SHROOM4: variants seen among roughly 807,000 people sequenced by gnomAD.
SHROOM4 encodes the protein shroom family member 4.
Under a neutral mutation model 80.3 loss-of-function variants are expected in SHROOM4, and 17 were observed. That is an observed-to-expected ratio of 0.21 (90% confidence interval 0.14 to 0.32). The LOEUF (loss-of-function observed/expected upper bound fraction) is 0.32, where lower values mean the gene tolerates loss of function less well. Among genes scored for constraint, SHROOM4 ranks in the 10% least tolerant of loss-of-function variants. The pLI, the probability that SHROOM4 is intolerant of heterozygous loss-of-function variation, is 1.00. For synonymous variants in SHROOM4, 400 were observed against 437.5 expected, an observed-to-expected ratio of 0.91 and a Z score of 1.07; for missense variants, 993 against 1,140.3, an observed-to-expected ratio of 0.87 and a Z score of 1.86.
Position 50,589,968 on chromosome X carries a change from T to A in SHROOM4, c.*6727A>T, listed in dbSNP as rs186661410. Among the ~76,000 whole-genome samples the A allele has an allele frequency of 6.2e-5, 7 of 112,174 alleles. No homozygotes were observed. In the East Asian group the frequency reaches 2.0e-3, roughly 32 times the overall value. ...ATTGTTTGGCTTTTTGATATAGCTA[T>A]TCTAGTGGGTATGAAGTGGTATCTC... On this transcript the variant is annotated 3_prime_UTR_variant, in exon 9 of 9. Coordinates refer to ENST00000376020, the MANE Select transcript of SHROOM4 (RefSeq NM_020717.5).
intron 1 of SHROOM4, among the ~76,000 whole-genome samples, chrX:50,719,296 C>T (rs1292449218): frequency 9.0e-6 from 1 of 111,368 alleles, no homozygotes; most frequent in Non-Finnish European, 1.9e-5. Flanking sequence ...TCCCATGTTC[C>T]TCTCAATCTT....
At chrX:50,673,263 T>G (rs1382709991) in intron 2 of SHROOM4, among the ~76,000 whole-genome samples, 1 of 111,213 alleles carries the variant, frequency 9.0e-6, no homozygotes, top group Non-Finnish European at 1.9e-5. Context: ...ATAATTTTAT[T>G]GTAAAAAGAG....
intron 2 of SHROOM4, among the ~76,000 whole-genome samples, chrX:50,681,697 G>A (rs1022016509): frequency 8.9e-5 from 10 of 111,999 alleles, no homozygotes; most frequent in Non-Finnish European, 1.3e-4. Context: ...ACATGTTTGC[G>A]TATTTGTGAT....
intron 5 of SHROOM4, among the ~76,000 whole-genome samples, chrX:50,624,559 G>A (rs782302889): frequency 6.1e-4 from 67 of 109,870 alleles, no homozygotes; most frequent in African/African-American, 2.1e-3. Context: ...CCCCATCTAT[G>A]CCAATAACAT....
chrX:50,709,790 A>C (rs139193522), intron 1 of SHROOM4, among the ~76,000 whole-genome samples: 6,437 of 111,827 alleles, frequency 0.058, 450 homozygotes, highest in African/African-American at 0.2. Context: ...TTCATTCAGT[A>C]CTCAGAGCAG....
intron 2 of SHROOM4, chrX:50,687,265 G>GTTTTTTTTTTTTT (rs1933097195): frequency 4.3e-5 from 4 of 93,542 alleles, no homozygotes; most frequent in African/African-American, 2.2e-4. Context: ...CCATTTTGGT[G>GTTTTTTTTTTTTT]TCTTTTTTTT....
chrX:50,598,185 T>C (rs1355304410), intron 8 of SHROOM4, 81 bp downstream of exon 8: 2 of 1,156,581 alleles, frequency 1.7e-6, no homozygotes, highest in African/African-American at 1.8e-5. Context: ...TTTCCTATAG[T>C]AGCCCAACTT....
intron 1 of SHROOM4, among the ~76,000 whole-genome samples, chrX:50,766,070 G>A (rs1557269311): frequency 1.8e-5 from 2 of 111,116 alleles, no homozygotes; most frequent in East Asian, 2.8e-4. Flanking sequence ...CCCACCACAA[G>A]GCCTGTCAGA....
chrX:50,657,749 T>C (rs1932360566), intron 2 of SHROOM4, among the ~76,000 whole-genome samples: 1 of 110,088 alleles, frequency 9.1e-6, no homozygotes, highest in African/African-American at 3.3e-5. Context: ...TTGTACTATT[T>C]GAATGGTTTT....
At chrX:50,649,516 AG>A (rs1354702051) in intron 2 of SHROOM4, 6 of 112,330 alleles carry the variant, frequency 5.3e-5, no homozygotes, top group African/African-American at 1.6e-4. Context: ...TACTTTCTAA[AG>A]GTAAGTGCTG....
intron 1 of SHROOM4, among the ~76,000 whole-genome samples, chrX:50,794,829 A>C (rs782572430): frequency 9.6e-6 from 1 of 104,643 alleles, no homozygotes; most frequent in Non-Finnish European, 1.9e-5. Flanking sequence ...TAAGGGATGT[A>C]ATGAAATTTC....
intron 2 of SHROOM4, among the ~76,000 whole-genome samples, chrX:50,673,585 C>T (rs1264820952): frequency 9.0e-6 from 1 of 110,902 alleles, no homozygotes; most frequent in Non-Finnish European, 1.9e-5. Flanking sequence ...CTAAACACAT[C>T]AATGAAAAGA....
chrX:50,796,773 C>T (rs1455383593), intron 1 of SHROOM4, among the ~76,000 whole-genome samples: 1 of 109,895 alleles, frequency 9.1e-6, no homozygotes, highest in Non-Finnish European at 1.9e-5. Flanking sequence ...GATATGAGGG[C>T]TATTGTAAAG....
intron 1 of SHROOM4, among the ~76,000 whole-genome samples, chrX:50,696,189 A>G (rs1205106870): frequency 8.9e-6 from 1 of 111,813 alleles, no homozygotes; most frequent in East Asian, 2.8e-4. Flanking sequence ...AACTGGGAAG[A>G]CTAGAACTTC....
intron 2 of SHROOM4, among the ~76,000 whole-genome samples, chrX:50,668,615 A>G (rs1430626425): frequency 1.8e-5 from 2 of 112,327 alleles, no homozygotes; most frequent in Non-Finnish European, 3.8e-5. Context: ...AACTGAATGA[A>G]AGAGAGATAA....
At chrX:50,636,681 A>G (rs1156313444) in intron 3 of SHROOM4, among the ~76,000 whole-genome samples, 1 of 110,809 alleles carries the variant, frequency 9.0e-6, no homozygotes, top group Non-Finnish European at 1.9e-5. Flanking sequence ...TGTATTCTCC[A>G]GTGTCTATTG....
At position 50,611,846 on chromosome X, in the gene SHROOM4, G is replaced by A. The variant is rs782437712; in HGVS notation, c.2958-3662C>T. On this transcript the variant is annotated intron_variant, in intron 5 of 8. Transcript: ENST00000376020. ...GAGGCAGGGGAATTGCTTGAACCTA[G>A]GAGGCGGAGGCTGCAGTGAACTGAG... Among the ~76,000 whole-genome samples, 8 of 111,151 alleles carry A rather than the reference G, an allele frequency of 7.2e-5. No individual in the cohort carries two copies. In the East Asian group the frequency reaches 2.0e-3, roughly 28 times the overall value.
intron 1 of SHROOM4, among the ~76,000 whole-genome samples, chrX:50,757,779 C>T (rs782531327): frequency 3.7e-5 from 4 of 107,690 alleles, no homozygotes; most frequent in Admixed American, 1.0e-4. Context: ...GCCAAGGTCA[C>T]GCCACTGCAC....
chrX:50,785,440 G>C (rs1437171185), intron 1 of SHROOM4, among the ~76,000 whole-genome samples: 1 of 111,832 alleles, frequency 8.9e-6, no homozygotes, highest in East Asian at 2.8e-4. Flanking sequence ...TGTTCACCAG[G>C]TGAATGAATA....
Sources: allele counts gnomAD v4.1 joint callset (sites outside exome capture counted in the v4.1 genomes callset), GRCh38; gene constraint gnomAD v4.1.1; transcripts MANE v1.5; gene names NCBI Gene and HGNC (gene_info 2026-07-23, HGNC 2026-07-21).